Variants in CTNNA3 observed in about 807,000 individuals in gnomAD.
CTNNA3 encodes the protein catenin alpha-3.
A neutral mutation model predicts 95.7 loss-of-function variants in CTNNA3; 76 were observed. That is an observed-to-expected ratio of 0.79 (90% confidence interval 0.66 to 0.96). The LOEUF (loss-of-function observed/expected upper bound fraction) is 0.96. CTNNA3 is among the 40% of genes least tolerant of loss of function. CTNNA3 has a pLI of 0.00. For missense variants in CTNNA3, 1,191 were observed against 1,089.8 expected, an observed-to-expected ratio of 1.09 and a Z score of -1.31; for synonymous variants, 431 against 374.4, an observed-to-expected ratio of 1.15 and a Z score of -1.74.
intron 1 of CTNNA3, among the ~76,000 whole-genome samples, chr10:67,705,900 G>T (rs193213485): frequency 1.7e-3 from 263 of 152,152 alleles, no homozygotes; most frequent in Non-Finnish European, 2.8e-3. Context: ...CAATTAACTA[G>T]AGCGAAGTCT....
intron 16 of CTNNA3, among the ~76,000 whole-genome samples, chr10:65,972,242 A>G (rs927331526): frequency 3.3e-5 from 5 of 152,108 alleles, no homozygotes; most frequent in Non-Finnish European, 5.9e-5. Flanking sequence ...CTCTACTTGA[A>G]TGGGCTAAAG....
At chr10:65,966,547 G>C in intron 17 of CTNNA3, 65 bp downstream of exon 17, 7 of 1,344,018 alleles carry the variant, frequency 5.2e-6, no homozygotes, top group Non-Finnish European at 7.0e-6. Flanking sequence ...ATGTAAACAA[G>C]GGTGTAGTTA....
intron 12 of CTNNA3, among the ~76,000 whole-genome samples, chr10:66,313,446 A>G (rs2092052011): frequency 6.6e-6 from 1 of 151,996 alleles, no homozygotes; most frequent in Admixed American, 6.6e-5. Flanking sequence ...TTGTTTTCAG[A>G]CTCTAAAGCT....
At position 66,093,680 on chromosome 10, in the gene CTNNA3, G is replaced by C. The variant is rs963613247; in HGVS notation, c.1977+9477C>G. Among the ~76,000 whole-genome samples the C allele has an allele frequency of 3.3e-5, 5 of 152,166 alleles. No homozygotes were observed. In the South Asian group the frequency reaches 1.0e-3, roughly 32 times the overall value. On this transcript the variant is annotated intron_variant, in intron 14 of 17. Transcript: ENST00000433211. ...AGCAGATCAATTAATATTTACACTA[G>C]CTGGTACTAAATTGAATATTTCAGT...
chr10:67,744,752 A>T (rs531281494), intron 1 of CTNNA3, among the ~76,000 whole-genome samples: 1 of 151,652 alleles, frequency 6.6e-6, no homozygotes, highest in Non-Finnish European at 1.5e-5. Flanking sequence ...GCACCTACTC[A>T]TCTGACAAAG....
intron 5 of CTNNA3, among the ~76,000 whole-genome samples, chr10:67,345,013 T>C (rs1297889366): frequency 1.3e-5 from 2 of 152,084 alleles, no homozygotes; most frequent in Non-Finnish European, 2.9e-5. Context: ...CTGATTTTAC[T>C]GCATTCCACA....
At chr10:66,315,862 A>G (rs1008655543) in intron 12 of CTNNA3, among the ~76,000 whole-genome samples, 1 of 152,118 alleles carries the variant, frequency 6.6e-6, no homozygotes, top group Non-Finnish European at 1.5e-5. Context: ...CAAATAAACA[A>G]TACTATCTTA....
At chr10:66,430,957 T>C (rs2093289697) in intron 11 of CTNNA3, among the ~76,000 whole-genome samples, 1 of 151,582 alleles carries the variant, frequency 6.6e-6, no homozygotes, top group South Asian at 2.1e-4. Context: ...ACCGTCAGAG[T>C]GAACAGGCAA....
At chr10:67,451,277 C>A (rs1007878886) in intron 5 of CTNNA3, among the ~76,000 whole-genome samples, 3 of 152,000 alleles carry the variant, frequency 2.0e-5, no homozygotes, top group Non-Finnish European at 4.4e-5. Flanking sequence ...AATATGTTTT[C>A]TTTATAAATT....
At chr10:67,292,368 C>T (rs1335705602) in intron 5 of CTNNA3, among the ~76,000 whole-genome samples, 2 of 152,080 alleles carry the variant, frequency 1.3e-5, no homozygotes, top group Admixed American at 6.6e-5. Flanking sequence ...GTCAAAGAAG[C>T]TTTCACTTCT....
chr10:66,505,527 T>C (rs770281485), intron 11 of CTNNA3, among the ~76,000 whole-genome samples: 4 of 152,180 alleles, frequency 2.6e-5, no homozygotes, highest in South Asian at 4.2e-4. Flanking sequence ...GTCAATGTTA[T>C]AGAAGATCCT....
rs1159749505 is a variant in CTNNA3, at chr10:66,218,119, C to T, written c.1884+62351G>A. On this transcript the variant is annotated intron_variant, in intron 13 of 17. Coordinates refer to ENST00000433211, the MANE Select transcript of CTNNA3 (RefSeq NM_013266.4). ...GCTGAAAGTTCCTCTTTCCTTTTTT[C>T]TTTTCACCTAATAAGCCTGTCCTAC... is the stretch of plus-strand genomic sequence containing the variant. 2.6e-5 allele frequency among the ~76,000 whole-genome samples: 4 copies of T among 152,028 alleles called. No homozygotes were observed. In the South Asian group the frequency reaches 8.3e-4, roughly 31 times the overall value.
chr10:66,398,336 A>G (rs930191434), intron 11 of CTNNA3, among the ~76,000 whole-genome samples: 4 of 151,924 alleles, frequency 2.6e-5, no homozygotes, highest in Admixed American at 2.6e-4. Flanking sequence ...TCAAGAACAA[A>G]TTTTTTGTCT....
At chr10:66,500,215 C>A (rs1840235667) in intron 11 of CTNNA3, among the ~76,000 whole-genome samples, 1 of 151,230 alleles carries the variant, frequency 6.6e-6, no homozygotes, top group East Asian at 1.9e-4. Context: ...CTATTCAAAC[C>A]AAAAAAAATT....
At chr10:66,048,529 G>C (rs1219022543) in intron 15 of CTNNA3, among the ~76,000 whole-genome samples, 1 of 152,198 alleles carries the variant, frequency 6.6e-6, no homozygotes, top group Non-Finnish European at 1.5e-5. Flanking sequence ...GGGAGGCTGA[G>C]ACGGGCGGAT....
intron 14 of CTNNA3, among the ~76,000 whole-genome samples, chr10:66,094,388 CTTTT>C (rs1241241555): frequency 6.6e-6 from 1 of 151,982 alleles, no homozygotes; most frequent in Non-Finnish European, 1.5e-5. Context: ...CCTAAAAGGG[CTTTT>C]ATGTATGATG....
At chr10:66,087,118 T>C (rs967612069) in intron 14 of CTNNA3, among the ~76,000 whole-genome samples, 2 of 152,008 alleles carry the variant, frequency 1.3e-5, no homozygotes, top group African/African-American at 4.8e-5. Context: ...AAACCTTATC[T>C]ACATAATAAA....
At chr10:66,394,673 C>G (rs2092961017) in intron 11 of CTNNA3, among the ~76,000 whole-genome samples, 1 of 151,740 alleles carries the variant, frequency 6.6e-6, no homozygotes, top group Non-Finnish European at 1.5e-5. Context: ...TAAAACCATT[C>G]AAGTCTTGCA....
At chr10:66,521,753 T>C (rs1841074695) in intron 10 of CTNNA3, among the ~76,000 whole-genome samples, 1 of 152,176 alleles carries the variant, frequency 6.6e-6, no homozygotes, top group African/African-American at 2.4e-5. Flanking sequence ...GACTGGTCTG[T>C]TTTTGCTTTG....
Sources: allele counts gnomAD v4.1 joint callset (sites outside exome capture counted in the v4.1 genomes callset), GRCh38; gene constraint gnomAD v4.1.1; transcripts MANE v1.5; gene names NCBI Gene and HGNC (gene_info 2026-07-23, HGNC 2026-07-21).